The following PHKB variants were observed in gnomAD, a reference collection of about 807,000 sequenced individuals.
PHKB encodes the protein phosphorylase kinase regulatory subunit beta.
A neutral mutation model predicts 152.1 loss-of-function variants in PHKB; 122 were observed. The ratio of observed to expected loss-of-function variants is 0.80; its 90% CI spans 0.69 to 0.93. The LOEUF is 0.93. Among genes scored for constraint, PHKB ranks in the 40% least tolerant of loss-of-function variants. The pLI is 0.00. For missense variants in PHKB, 1,304 were observed against 1,328.4 expected, an observed-to-expected ratio of 0.98 and a Z score of 0.29; for synonymous variants, 436 against 464.9, an observed-to-expected ratio of 0.94 and a Z score of 0.80.
chr16:47,461,325 G>T, upstream of PHKB: 3 of 1,582,380 alleles, frequency 1.9e-6, no homozygotes, highest in Non-Finnish European at 2.6e-6. Context: ...CCCGGGGGCG[G>T]TGGCCAAGGC....
At chr16:47,688,426 A>T (rs992805505) in intron 26 of PHKB, among the ~76,000 whole-genome samples, 12 of 152,254 alleles carry the variant, frequency 7.9e-5, no homozygotes, top group Admixed American at 7.9e-4. Flanking sequence ...AAATAATTAA[A>T]TATTTTGGCT....
chr16:47,527,419 C>G (rs1173141063), intron 6 of PHKB, among the ~76,000 whole-genome samples: 1 of 151,914 alleles, frequency 6.6e-6, no homozygotes, highest in Non-Finnish European at 1.5e-5. Flanking sequence ...ACAATATAAA[C>G]TGACCTCTTA....
intron 12 of PHKB, among the ~76,000 whole-genome samples, chr16:47,595,351 G>A (rs985573210): frequency 2.0e-5 from 3 of 152,112 alleles, no homozygotes; most frequent in Admixed American, 2.0e-4. Context: ...GGAAATCTGT[G>A]CAATTTCATT....
intron 1 of PHKB, among the ~76,000 whole-genome samples, chr16:47,484,466 A>G (rs1055262016): frequency 1.3e-5 from 2 of 152,220 alleles, no homozygotes; most frequent in Non-Finnish European, 2.9e-5. Flanking sequence ...TTGTTAAATA[A>G]AAGTATGTAT....
At chr16:47,503,219 G>T (rs1970353819) in intron 4 of PHKB, 129 bp downstream of exon 4, 4 of 734,130 alleles carry the variant, frequency 5.4e-6, no homozygotes, top group Non-Finnish European at 9.6e-6. Context: ...GGGCGGCCTA[G>T]ATAGGTTAAC....
chr16:47,510,459 T>G (rs1309135452), intron 4 of PHKB, among the ~76,000 whole-genome samples: 1 of 152,204 alleles, frequency 6.6e-6, no homozygotes, highest in Non-Finnish European at 1.5e-5. Flanking sequence ...TGAAAGGGAC[T>G]TATATGAACA....
intron 14 of PHKB, among the ~76,000 whole-genome samples, chr16:47,619,646 C>T (rs943140966): frequency 2.0e-5 from 3 of 152,176 alleles, no homozygotes; most frequent in Admixed American, 2.0e-4. Flanking sequence ...TCTTCTGTTG[C>T]CTAGGTAATT....
intron 6 of PHKB, among the ~76,000 whole-genome samples, chr16:47,525,908 C>G (rs1970757784): frequency 1.3e-5 from 2 of 152,172 alleles, no homozygotes; most frequent in Admixed American, 1.3e-4. Flanking sequence ...GTTTCTTGGG[C>G]TCCCTATGGA....
intron 7 of PHKB, among the ~76,000 whole-genome samples, chr16:47,570,108 T>C (rs1971633578): frequency 6.6e-6 from 1 of 152,234 alleles, no homozygotes; most frequent in South Asian, 2.1e-4. Context: ...AGACTAAAGA[T>C]AGGACCTGAA....
At chr16:47,564,345 T>C (rs145951044) in intron 7 of PHKB, among the ~76,000 whole-genome samples, 305 of 152,296 alleles carry the variant, frequency 2.0e-3, no homozygotes, top group Admixed American at 4.0e-3. Context: ...TCTGTTGTTT[T>C]TTGACTTTTT....
At chr16:47,618,726 T>A (rs1204857613) in intron 14 of PHKB, among the ~76,000 whole-genome samples, 1 of 152,194 alleles carries the variant, frequency 6.6e-6, no homozygotes, top group Non-Finnish European at 1.5e-5. Context: ...TACCCCCACT[T>A]TTCTATGTCA....
chr16:47,618,148 C>T (rs1352445638), intron 14 of PHKB, among the ~76,000 whole-genome samples: 4 of 152,216 alleles, frequency 2.6e-5, no homozygotes, highest in Admixed American at 6.5e-5. Context: ...TAAGTGGTAT[C>T]GTTTGTTTTA....
chr16:47,606,454 T>C (rs1972325730), intron 13 of PHKB, among the ~76,000 whole-genome samples: 1 of 152,204 alleles, frequency 6.6e-6, no homozygotes. Context: ...AAGTGATCAG[T>C]GTAGAGCCAA....
intron 14 of PHKB, among the ~76,000 whole-genome samples, chr16:47,621,910 G>A (rs1297406138): frequency 6.6e-6 from 1 of 152,056 alleles, no homozygotes; most frequent in Non-Finnish European, 1.5e-5. Context: ...ACTGAGAAAA[G>A]TTGAATTGGA....
chr16:47,465,009 A>G (rs1432364871), intron 1 of PHKB, among the ~76,000 whole-genome samples: 5 of 152,196 alleles, frequency 3.3e-5, no homozygotes, highest in South Asian at 2.1e-4. Context: ...TTTCGTTTAT[A>G]TTTCAAGTCC....
intron 13 of PHKB, among the ~76,000 whole-genome samples, chr16:47,608,591 A>G (rs1347496447): frequency 1.3e-5 from 2 of 152,178 alleles, no homozygotes; most frequent in East Asian, 3.9e-4. Context: ...AAATGCCTGT[A>G]ATCCCAGCTA....
At chr16:47,670,039 T>G (rs1233777124) in intron 26 of PHKB, among the ~76,000 whole-genome samples, 2 of 152,212 alleles carry the variant, frequency 1.3e-5, no homozygotes, top group East Asian at 3.8e-4. Context: ...CTTGGGTAAA[T>G]GACTGAACCT....
intron 6 of PHKB, among the ~76,000 whole-genome samples, chr16:47,534,318 AC>A (rs1970915248): frequency 6.6e-6 from 1 of 152,114 alleles, no homozygotes; most frequent in Non-Finnish European, 1.5e-5. Flanking sequence ...ACTTAGCCAT[AC>A]CTCACTGGCC....
chr16:47,619,709 G>A (rs945611849), intron 14 of PHKB, among the ~76,000 whole-genome samples: 13 of 152,164 alleles, frequency 8.5e-5, no homozygotes, highest in Non-Finnish European at 1.5e-4. Context: ...ATACTGCAGC[G>A]CCTCTGCCAT....
Sources: gnomAD v4.1 joint callset for allele counts (sites outside exome capture counted in the v4.1 genomes callset) on GRCh38, gnomAD v4.1.1 for gene constraint, MANE v1.5 for transcripts, NCBI Gene and HGNC (gene_info 2026-07-23, HGNC 2026-07-21) for gene names.